The following AHI1 variants were observed in gnomAD, a reference collection of about 807,000 sequenced individuals.
AHI1 encodes Abelson helper integration site 1.
In AHI1, 123 loss-of-function variants were observed where a neutral mutation model predicts 149.3. That is an observed-to-expected ratio of 0.82 (90% confidence interval 0.71 to 0.96). The LOEUF is 0.96. Among genes scored for constraint, AHI1 ranks in the 40% least tolerant of loss-of-function variants. AHI1 has a pLI of 0.00. For synonymous variants in AHI1, 475 were observed against 459.8 expected (o/e 1.03, Z -0.42); for missense variants, 1,439 against 1,422.7 (o/e 1.01, Z -0.18).
chr6:135,298,461 C>G (rs1783437906), intron 27 of AHI1, among the ~76,000 whole-genome samples: 1 of 152,004 alleles, frequency 6.6e-6, no homozygotes, highest in Non-Finnish European at 1.5e-5. Context: ...GGCAGGGCTG[C>G]AAAGAAACAA....
rs139577882 is a variant in AHI1 at position 135,344,294 on chromosome 6, G to A, written c.3165+13838C>T. ...GGGCTAAATGTATCTAGTAAGAGAC[G>A]TGTATCCAGACTATACAAATAACTC... On this transcript the variant is annotated intron_variant, in intron 24 of 28. Coordinates refer to ENST00000265602, the MANE Select transcript of AHI1 (RefSeq NM_001134831.2). Among the ~76,000 whole-genome samples the A allele has an allele frequency of 2.7e-3, 407 of 151,404 alleles. 1 individual carries two copies. The highest frequency in any genetic ancestry group is 9.2e-3 in the African/African-American group (379 of 41,312).
At chr6:135,389,159 A>G (rs1168715058) in intron 23 of AHI1, among the ~76,000 whole-genome samples, 1 of 151,626 alleles carries the variant, frequency 6.6e-6, no homozygotes, top group Non-Finnish European at 1.5e-5. Flanking sequence ...AAAACACAAA[A>G]AATTAGCCAG....
At chr6:135,465,298 G>A (rs1456758330) in intron 7 of AHI1, among the ~76,000 whole-genome samples, 1 of 152,126 alleles carries the variant, frequency 6.6e-6, no homozygotes, top group African/African-American at 2.4e-5. Flanking sequence ...CTATATAGAA[G>A]TACATACATA....
chr6:135,387,114 C>T (rs527613659), intron 23 of AHI1, among the ~76,000 whole-genome samples: 1 of 152,052 alleles, frequency 6.6e-6, no homozygotes, highest in South Asian at 2.1e-4. Context: ...AACTCCTGAG[C>T]TCAAGTGATC....
At chr6:135,355,885 C>T (rs938588400) in intron 24 of AHI1, among the ~76,000 whole-genome samples, 4 of 151,824 alleles carry the variant, frequency 2.6e-5, no homozygotes, top group African/African-American at 9.7e-5. Flanking sequence ...GGCAACAGAG[C>T]GAGACTCTGT....
intron 28 of AHI1, 101 bp downstream of exon 28, chr6:135,290,322 T>A: frequency 1.3e-6 from 1 of 785,804 alleles, no homozygotes; most frequent in Non-Finnish European, 2.2e-6. Context: ...TCAGTCCTTA[T>A]TTTACTTGCC....
At chr6:135,466,956 G>T (rs908079561) in intron 6 of AHI1, among the ~76,000 whole-genome samples, 12 of 152,228 alleles carry the variant, frequency 7.9e-5, no homozygotes, top group African/African-American at 2.9e-4. Flanking sequence ...TATTTAAAAT[G>T]AGATATATTT....
chr6:135,300,693 C>T, intron 26 of AHI1, 135 bp from the exon 27 acceptor site: 1 of 1,469,392 alleles, frequency 6.8e-7, no homozygotes, highest in Non-Finnish European at 9.0e-7. Flanking sequence ...AATATCTATG[C>T]CTGTCCTGAA....
At chr6:135,400,814 G>C (rs1779920574) in intron 22 of AHI1, among the ~76,000 whole-genome samples, 1 of 152,024 alleles carries the variant, frequency 6.6e-6, no homozygotes, top group African/African-American at 2.4e-5. Flanking sequence ...CCCCCTACAT[G>C]CATCTTTTCT....
chr6:135,294,906 G>T (rs1259929984), intron 27 of AHI1, among the ~76,000 whole-genome samples: 1 of 151,960 alleles, frequency 6.6e-6, no homozygotes, highest in East Asian at 1.9e-4. Context: ...AGCATGATTT[G>T]TAAAAGAAAA....
rs945449533 is a variant in AHI1, at chr6:135,364,417, C to T, written c.3110-6230G>A. 2.2e-3 allele frequency among the ~76,000 whole-genome samples: 330 copies of T among 147,804 alleles called. 2 individuals are homozygous for T. Among genetic ancestry groups the T allele is most frequent in the African/African-American group, 7.9e-3 (309 of 39,314 alleles). The stretch of plus-strand genomic sequence containing the variant: ...CTCCTCACTTTCCAGACTGGGCAGC[C>T]AGGCAGAGGGGCTCCTCACATCCCA... On this transcript the variant is annotated intron_variant, in intron 23 of 28. Transcript: ENST00000265602.
chr6:135,447,161 C>G lies in AHI1; in HGVS notation c.1627-1G>C. ...TCATAGAGCGGTAAGATGGCTTTAT[C>G]TAAATATGCATTAAAATATGAAAAT... On this transcript the variant is annotated splice_acceptor_variant, in intron 12 of 28. Transcript: ENST00000265602. LOFTEE classifies it high-confidence loss of function. 6.5e-7 allele frequency: 1 copy of G among 1,528,588 alleles called. No homozygotes were observed. Among genetic ancestry groups the G allele is most frequent in the Non-Finnish European group, 8.8e-7 (1 of 1,139,068 alleles). 94.7% of individuals were successfully genotyped at this position (1,528,588 alleles called of 1,614,324 possible). A position where few individuals can be genotyped will look rare whatever the true frequency, so the allele number is the denominator to read the frequency against.
At chr6:135,332,836 C>G (rs901710996) in intron 24 of AHI1, among the ~76,000 whole-genome samples, 1 of 152,208 alleles carries the variant, frequency 6.6e-6, no homozygotes, top group African/African-American at 2.4e-5. Flanking sequence ...TTTCTCCCCC[C>G]GTTCCTTCTC....
At chr6:135,459,527 A>G (rs1490421951) in intron 8 of AHI1, among the ~76,000 whole-genome samples, 1 of 152,130 alleles carries the variant, frequency 6.6e-6, no homozygotes, top group Non-Finnish European at 1.5e-5. Flanking sequence ...TAGTACATAA[A>G]TGTACAACAG....
intron 5 of AHI1, among the ~76,000 whole-genome samples, chr6:135,480,954 G>T (rs1231895482): frequency 6.6e-6 from 1 of 152,166 alleles, no homozygotes; most frequent in Non-Finnish European, 1.5e-5. Flanking sequence ...ATCTGAGATG[G>T]AACACTTTCA....
chr6:135,304,821 G>C (rs1200642531), intron 26 of AHI1, among the ~76,000 whole-genome samples: 1 of 152,184 alleles, frequency 6.6e-6, no homozygotes, highest in African/African-American at 2.4e-5. Flanking sequence ...GATACTAATT[G>C]TGCCAATTAA....
intron 24 of AHI1, among the ~76,000 whole-genome samples, chr6:135,345,347 T>TA (rs1791034580): frequency 6.6e-6 from 1 of 152,168 alleles, no homozygotes; most frequent in Non-Finnish European, 1.5e-5. Context: ...ATGGAAAACT[T>TA]ACGTCCATGC....
chr6:135,361,069 T>C (rs1793788804), intron 23 of AHI1, among the ~76,000 whole-genome samples: 1 of 152,378 alleles, frequency 6.6e-6, no homozygotes. Context: ...AGTTTTACTC[T>C]TCCATTTTAT....
intron 23 of AHI1, among the ~76,000 whole-genome samples, chr6:135,364,175 C>T (rs1446453667): frequency 6.6e-6 from 1 of 151,406 alleles, no homozygotes; most frequent in Non-Finnish European, 1.5e-5. Flanking sequence ...ACTTCTCAGA[C>T]AGGGCGGTTG....
Sources: allele counts gnomAD v4.1 joint callset (sites outside exome capture counted in the v4.1 genomes callset), GRCh38; gene constraint gnomAD v4.1.1; transcripts MANE v1.5; gene names NCBI Gene and HGNC (gene_info 2026-07-23, HGNC 2026-07-21).